The following PTPRG variants were observed in gnomAD, a reference collection of about 807,000 sequenced individuals.
The protein encoded by PTPRG is protein tyrosine phosphatase receptor type G, also known as receptor-type tyrosine-protein phosphatase gamma.
Under a neutral mutation model 165.3 loss-of-function variants are expected in PTPRG, and 102 were observed. The ratio of observed to expected loss-of-function variants is 0.62; its 90% CI spans 0.53 to 0.73. The LOEUF is 0.73. Ranked by LOEUF, PTPRG falls within the 30% of genes least tolerant of loss-of-function variation. The pLI, the probability that PTPRG is intolerant of heterozygous loss-of-function variation, is 0.00. For synonymous variants in PTPRG, 675 were observed against 669.5 expected (o/e 1.01, Z -0.13); for missense variants, 1,866 against 1,861.4 (o/e 1.00, Z -0.05).
intron 1 of PTPRG, among the ~76,000 whole-genome samples, chr3:61,737,405 A>G (rs1452394165): frequency 6.6e-6 from 1 of 152,182 alleles, no homozygotes; most frequent in Admixed American, 6.5e-5. Context: ...TGGAGAGACC[A>G]AGAAAACTTG....
chr3:62,032,758 A>G (rs1350873412), intron 4 of PTPRG, among the ~76,000 whole-genome samples: 1 of 152,148 alleles, frequency 6.6e-6, no homozygotes, highest in East Asian at 1.9e-4. Context: ...ATCTAAATAT[A>G]TTTTTTATGG....
At chr3:61,816,214 C>T (rs892827346) in intron 2 of PTPRG, among the ~76,000 whole-genome samples, 4 of 152,114 alleles carry the variant, frequency 2.6e-5, no homozygotes, top group Non-Finnish European at 5.9e-5. Context: ...TGTGTCTTGG[C>T]ATTCTTGAAC....
At chr3:62,275,773 CTTGT>C (rs1381231473) in intron 23 of PTPRG, 96 bp from the exon 24 acceptor site, 3 of 837,140 alleles carry the variant, frequency 3.6e-6, no homozygotes, top group Non-Finnish European at 5.5e-6. Context: ...CAGAAATGGT[CTTGT>C]TTATCAGTAA....
chr3:61,789,730 A>T (rs1191259660), intron 2 of PTPRG, among the ~76,000 whole-genome samples: 1 of 152,222 alleles, frequency 6.6e-6, no homozygotes, highest in Non-Finnish European at 1.5e-5. Context: ...TGAAACCCTA[A>T]GTGTTTGTAT....
chr3:62,067,481 T>C (rs1701055923), intron 4 of PTPRG, among the ~76,000 whole-genome samples: 1 of 152,184 alleles, frequency 6.6e-6, no homozygotes, highest in African/African-American at 2.4e-5. Flanking sequence ...GATGAGTCAC[T>C]TGCATTGTAT....
At chr3:61,990,597 G>T (rs1224444383) in intron 3 of PTPRG, among the ~76,000 whole-genome samples, 1 of 152,190 alleles carries the variant, frequency 6.6e-6, no homozygotes, top group African/African-American at 2.4e-5. Context: ...TCCACTGTAC[G>T]ATCTGAAAAT....
chr3:62,288,945 A>C (rs1487739089), intron 28 of PTPRG, among the ~76,000 whole-genome samples: 2 of 152,202 alleles, frequency 1.3e-5, no homozygotes, highest in Non-Finnish European at 1.5e-5. Flanking sequence ...AAAATAATAC[A>C]TATTTTAAAA....
chr3:61,728,564 CAG>C (rs2032355610), intron 1 of PTPRG, among the ~76,000 whole-genome samples: 1 of 151,914 alleles, frequency 6.6e-6, no homozygotes, highest in East Asian at 1.9e-4. Flanking sequence ...GCCTGGAAGA[CAG>C]AGCAAGACCT....
intron 2 of PTPRG, among the ~76,000 whole-genome samples, chr3:61,893,155 G>A (rs190686677): frequency 2.0e-5 from 3 of 152,282 alleles, no homozygotes; most frequent in East Asian, 1.9e-4. Flanking sequence ...TCTAATTGGA[G>A]TGCTCTCAGT....
At chr3:61,763,448 C>T (rs1023637896) in intron 2 of PTPRG, among the ~76,000 whole-genome samples, 8 of 151,964 alleles carry the variant, frequency 5.3e-5, no homozygotes, top group African/African-American at 1.7e-4. Flanking sequence ...TCTGCCACTA[C>T]AGCACCTCCC....
chr3:61,906,105 G>A (rs2038643091), intron 2 of PTPRG, among the ~76,000 whole-genome samples: 1 of 151,562 alleles, frequency 6.6e-6, no homozygotes, highest in Admixed American at 6.6e-5. Context: ...TTTTTGCTGT[G>A]GAGAAAGTGA....
intron 28 of PTPRG, 76 bp downstream of exon 28, chr3:62,282,945 A>G: frequency 7.1e-7 from 1 of 1,417,202 alleles, no homozygotes; most frequent in South Asian, 1.3e-5. Flanking sequence ...GTAGAAAAGG[A>G]AGCCAGAATT....
At chr3:61,591,047 G>A (rs1220214920) in intron 1 of PTPRG, among the ~76,000 whole-genome samples, 1 of 152,168 alleles carries the variant, frequency 6.6e-6, no homozygotes, top group Non-Finnish European at 1.5e-5. Context: ...GGGAAGTGGA[G>A]TGAAACCTCC....
At chr3:61,645,257 A>T (rs1312211487) in intron 1 of PTPRG, among the ~76,000 whole-genome samples, 1 of 152,218 alleles carries the variant, frequency 6.6e-6, no homozygotes, top group African/African-American at 2.4e-5. Flanking sequence ...AAGCTCTCCC[A>T]GTTGGGTTGT....
intron 4 of PTPRG, among the ~76,000 whole-genome samples, chr3:62,074,747 G>T (rs1311248407): frequency 6.6e-6 from 1 of 152,160 alleles, no homozygotes; most frequent in Non-Finnish European, 1.5e-5. Context: ...AGACTTTGGG[G>T]AATATTGAAC....
chr3:61,653,903 G>GCGT (rs1553644926), intron 1 of PTPRG, among the ~76,000 whole-genome samples: 2 of 137,826 alleles, frequency 1.5e-5, no homozygotes, highest in African/African-American at 5.3e-5. Flanking sequence ...GAGCGGTGGG[G>GCGT]GGCGCGGGGA....
chr3:62,071,102 G>C (rs557174117), intron 4 of PTPRG, among the ~76,000 whole-genome samples: 22 of 152,082 alleles, frequency 1.4e-4, no homozygotes, highest in African/African-American at 5.3e-4. Context: ...GCTTTTGCCT[G>C]TGTGTTCTTC....
chr3:61,939,981 G>T (rs1000511605), intron 2 of PTPRG, among the ~76,000 whole-genome samples: 1 of 106,380 alleles, frequency 9.4e-6, no homozygotes, highest in East Asian at 3.5e-4. Context: ...GTCTTGCTCT[G>T]TTGCCCAGGC....
intron 2 of PTPRG, among the ~76,000 whole-genome samples, chr3:61,871,696 T>C (rs920307474): frequency 3.9e-5 from 6 of 152,242 alleles, no homozygotes; most frequent in African/African-American, 1.2e-4. Context: ...ATTTTAGAAC[T>C]CATCTTGGGT....
Sources: gnomAD v4.1 joint callset for allele counts (sites outside exome capture counted in the v4.1 genomes callset) on GRCh38, gnomAD v4.1.1 for gene constraint, MANE v1.5 for transcripts, NCBI Gene and HGNC (gene_info 2026-07-23, HGNC 2026-07-21) for gene names.